Variants in BCL7A observed in about 807,000 individuals in gnomAD.
BCL7A encodes the protein BAF chromatin remodeling complex subunit BCL7A, also known as B-cell CLL/lymphoma 7 protein family member A.
Under a neutral mutation model 28.4 loss-of-function variants are expected in BCL7A, and 11 were observed. The observed-to-expected ratio is 0.39, with a 90% CI of 0.24 to 0.64. BCL7A has a LOEUF of 0.64. BCL7A is among the 30% of genes least tolerant of loss of function. BCL7A has a pLI of 0.50. For missense variants in BCL7A, 222 were observed against 274.8 expected (o/e 0.81, Z 1.36); for synonymous variants, 123 against 103.3 (o/e 1.19, Z -1.15).
chr12:122,056,237 G>T, intron 5 of BCL7A, among the ~76,000 whole-genome samples: 1 of 152,256 alleles, frequency 6.6e-6, no homozygotes, highest in South Asian at 2.1e-4. Context: ...TGGGCCTCTT[G>T]ATCTCAGAGA....
chr12:122,027,694 G>C (rs1013855083), intron 1 of BCL7A, among the ~76,000 whole-genome samples: 7 of 151,884 alleles, frequency 4.6e-5, no homozygotes, highest in Non-Finnish European at 2.9e-5. Flanking sequence ...AAAATTAGCC[G>C]GGCGTGGTGG....
intron 3 of BCL7A, among the ~76,000 whole-genome samples, chr12:122,037,480 A>T (rs1883879253): frequency 6.6e-6 from 1 of 152,228 alleles, no homozygotes; most frequent in African/African-American, 2.4e-5. Flanking sequence ...TGGAAAACAC[A>T]GTCACCAGCT....
chr12:122,046,985 C>G (rs1266021004), intron 4 of BCL7A, among the ~76,000 whole-genome samples: 1 of 151,252 alleles, frequency 6.6e-6, no homozygotes, highest in Non-Finnish European at 1.5e-5. Context: ...CTCACTGCAA[C>G]CTCCGCCTCC....
chr12:122,025,185 A>G (rs555443196), intron 1 of BCL7A, among the ~76,000 whole-genome samples: 1 of 152,188 alleles, frequency 6.6e-6, no homozygotes, highest in African/African-American at 2.4e-5. Context: ...ATGGTAGGAG[A>G]CGAAAGCTTG....
chr12:122,043,980 T>C lies in BCL7A; in HGVS notation c.366T>C (p.Ala122=). Residue 122 remains alanine, a synonymous_variant, in exon 4 of 6, where the codon GCT becomes GCC. Transcript: ENST00000261822. The part of the protein sequence containing the change: ...NSSPAPEPNS[A]VPSDGTEAKV... ...GCCCCGCTCCAGAGCCCAACTCGGCTGTGCCCAGCGACGGCACCGAGGCCA... is the reference window on the plus strand; with the variant it reads ...GCCCCGCTCCAGAGCCCAACTCGGCCGTGCCCAGCGACGGCACCGAGGCCA... The C allele has an allele frequency of 1.2e-6, 2 of 1,613,972 alleles. No individual in the cohort carries two copies. The highest frequency in any genetic ancestry group is 2.2e-5 in the East Asian group (1 of 44,862).
At chr12:122,022,634 G>A (rs1883491744) in intron 1 of BCL7A, among the ~76,000 whole-genome samples, 1 of 145,438 alleles carries the variant, frequency 6.9e-6, no homozygotes, top group South Asian at 2.1e-4. Flanking sequence ...CTCCGAGCGG[G>A]CCGCCGCCGC....
At chr12:122,037,503 G>T (rs1883879813) in intron 3 of BCL7A, among the ~76,000 whole-genome samples, 2 of 152,168 alleles carry the variant, frequency 1.3e-5, no homozygotes. Context: ...AAGGGCAGGG[G>T]GACTGGCAGG....
At chr12:122,030,511 A>G (rs1030284833) in intron 1 of BCL7A, among the ~76,000 whole-genome samples, 189 bp from the exon 2 acceptor site, 2 of 152,198 alleles carry the variant, frequency 1.3e-5, no homozygotes, top group Non-Finnish European at 2.9e-5. Flanking sequence ...TATGTGGTGT[A>G]ACGGGTGGAG....
chr12:122,049,263 A>G (rs1458006928), intron 4 of BCL7A, among the ~76,000 whole-genome samples: 3 of 150,712 alleles, frequency 2.0e-5, no homozygotes, highest in Admixed American at 2.0e-4. Flanking sequence ...AGAAGAAGAA[A>G]GTAAGAAAGT....
chr12:122,047,252 A>G (rs1185772353), intron 4 of BCL7A, among the ~76,000 whole-genome samples: 1 of 150,846 alleles, frequency 6.6e-6, no homozygotes, highest in South Asian at 2.1e-4. Context: ...GGCCGGGCGC[A>G]GTGGCTCATG....
chr12:122,049,090 A>G (rs1182384561), intron 4 of BCL7A, among the ~76,000 whole-genome samples: 1 of 146,746 alleles, frequency 6.8e-6, no homozygotes, highest in Non-Finnish European at 1.5e-5. Context: ...ACATAAAACT[A>G]TAGGCATGTG....
At chr12:122,046,969 T>C (rs1033888871) in intron 4 of BCL7A, among the ~76,000 whole-genome samples, 2 of 151,622 alleles carry the variant, frequency 1.3e-5, no homozygotes, top group African/African-American at 4.8e-5. Flanking sequence ...AATGACGTGA[T>C]CTCGGCTCAC....
chr12:122,023,474 A>T (rs1883524535), intron 1 of BCL7A, among the ~76,000 whole-genome samples: 1 of 152,162 alleles, frequency 6.6e-6, no homozygotes, highest in African/African-American at 2.4e-5. Flanking sequence ...GTCACAAGTT[A>T]GCTGTCCTTT....
At chr12:122,032,088 G>C (rs1313007306) in intron 2 of BCL7A, among the ~76,000 whole-genome samples, 1 of 152,220 alleles carries the variant, frequency 6.6e-6, no homozygotes, top group Admixed American at 6.5e-5. Flanking sequence ...GGTGGGGGAA[G>C]CATGTGGGGG....
rs951627968 is a variant in BCL7A, at chr12:122,059,042, T to A, written c.562-50T>A. 26 of 1,509,650 alleles carry A rather than the reference T, an allele frequency of 1.7e-5. No homozygotes were observed. Among genetic ancestry groups the A allele is most frequent in the Non-Finnish European group, 2.4e-5 (26 of 1,085,468 alleles). 93.5% of individuals were successfully genotyped at this position (1,509,650 alleles called of 1,614,324 possible). A position where few individuals can be genotyped will look rare whatever the true frequency, so the allele number is the denominator to read the frequency against. On this transcript the variant is annotated intron_variant, in intron 5 of 5. Coordinates refer to ENST00000261822, the MANE Select transcript of BCL7A (RefSeq NM_001024808.3). This position sits in a 1 kb window ranked among gnomAD's most constrained non-coding sequence, Gnocchi z 4.0. ...CCTTCGGCCTCACGCCTGGCCTAAC[T>A]TGCTCTCCTGGCCCATTAACCTGTG... is the stretch of plus-strand genomic sequence containing the variant.
chr12:122,054,766 T>C (rs1487259628), intron 4 of BCL7A, 39 bp from the exon 5 acceptor site: 1 of 1,599,378 alleles, frequency 6.3e-7, no homozygotes. Context: ...GCCTCTCACG[T>C]GTCTGAAAAC....
At chr12:122,048,554 C>T (rs1431792365) in intron 4 of BCL7A, among the ~76,000 whole-genome samples, 1 of 152,182 alleles carries the variant, frequency 6.6e-6, no homozygotes, top group African/African-American at 2.4e-5. Context: ...AGCTCGAGAC[C>T]AGCCTGAGCA....
intron 3 of BCL7A, among the ~76,000 whole-genome samples, chr12:122,035,741 G>A (rs1293659088): frequency 2.0e-5 from 3 of 152,212 alleles, no homozygotes; most frequent in African/African-American, 2.4e-5. Context: ...TTGTTTGGGC[G>A]TATGTTTCTT....
chr12:122,021,945 TGTGTGTGTGTGTGA>T lies in BCL7A; in HGVS notation c.-139_-126del. ...GTGTGTGTGTATGTGTGTGTGTGTGTGTGTGTGTGTGTGAGTGTGTGCGTGTGAGAGTGCGAGTG... is the reference window on the plus strand; with the variant it reads ...GTGTGTGTGTATGTGTGTGTGTGTGTGTGTGTGCGTGTGAGAGTGCGAGTG... On this transcript the variant is annotated 5_prime_UTR_variant, in exon 1 of 6. The change abolishes the stop of an existing upstream ORF in the 5' untranslated region. Transcript: ENST00000261822. The T allele has an allele frequency of 1.7e-6, 1 of 577,692 alleles. No homozygotes were observed. The allele number at this position is 577,692 out of a possible 1,614,324, so 35.8% of individuals were successfully genotyped here. A position where few individuals can be genotyped will look rare whatever the true frequency, so the allele number is the denominator to read the frequency against.
Sources: allele counts gnomAD v4.1 joint callset (sites outside exome capture counted in the v4.1 genomes callset), GRCh38; gene constraint gnomAD v4.1.1; non-coding constraint Gnocchi (gnomAD v3.1); transcripts MANE v1.5; gene names NCBI Gene and HGNC (gene_info 2026-07-23, HGNC 2026-07-21).